NYX: variants seen among roughly 807,000 people sequenced by gnomAD.
NYX encodes leucine-rich repeat protein.
For synonymous variants in NYX, 258 were observed against 245.7 expected, an observed-to-expected ratio of 1.05 and a Z score of -0.47; for missense variants, 481 against 485.4, an observed-to-expected ratio of 0.99 and a Z score of 0.09.
At position 41,474,969 on chromosome X, in the gene NYX, A is replaced by G; in HGVS notation, c.*70A>G. 1 of 969,896 alleles carries G rather than the reference A, an allele frequency of 1.0e-6. No individual in the cohort carries two copies. Among genetic ancestry groups the G allele is most frequent in the African/African-American group, 1.9e-5 (1 of 53,091 alleles). The allele number at this position is 969,896 out of a possible 1,213,427, so 79.9% of individuals were successfully genotyped here. A position where few individuals can be genotyped will look rare whatever the true frequency, so the allele number is the denominator to read the frequency against. On this transcript the variant is annotated 3_prime_UTR_variant, in exon 3 of 3. Coordinates refer to ENST00000378220, the MANE Select transcript of NYX (RefSeq NM_001378477.3). The stretch of plus-strand genomic sequence containing the variant: ...TTTGTGGTAAGGGGAGAGGAGCCGG[A>G]ATGGAGGGCAGAGGTGAAAATCCCA...
At chrX:41,471,493 C>A (rs2807169) in intron 2 of NYX, among the ~76,000 whole-genome samples, 25,991 of 111,253 alleles carry the variant, frequency 0.23, 2,403 homozygotes, top group East Asian at 0.44. Context: ...TTCTTTTAAT[C>A]TATAACTAAG....
At chrX:41,464,047 A>G (rs186515805) in intron 2 of NYX, among the ~76,000 whole-genome samples, 5 of 111,263 alleles carry the variant, frequency 4.5e-5, no homozygotes, top group African/African-American at 1.6e-4. Context: ...AAATATCTCT[A>G]TTGCCCTTCA....
In NYX at chrX:41,474,592, G is replaced by T; in HGVS notation, c.1124G>T (p.Arg375Leu). Residue 375 changes from arginine (R) to leucine (L), a missense_variant, in exon 3 of 3, where the codon CGC becomes CTC. By Grantham distance (102) the Arg-to-Leu change is moderately radical (BLOSUM62 -2). Coordinates refer to ENST00000378220, the MANE Select transcript of NYX (RefSeq NM_001378477.3). ...GLDLSQVTFG[R>L]SSDGLCVDPE... The stretch of plus-strand genomic sequence containing the variant: ...GACCTCAGCCAGGTGACCTTCGGGC[G>T]CTCCTCCGATGGCCTCTGTGTGGAC... 8.3e-7 allele frequency: 1 copy of T among 1,197,770 alleles called. No homozygotes were observed. The highest frequency in any genetic ancestry group is 1.1e-6 in the Non-Finnish European group (1 of 889,195).
At chrX:41,448,041 A>G in intron 2 of NYX, 115 bp downstream of exon 2, 1 of 726,426 alleles carries the variant, frequency 1.4e-6, no homozygotes. Context: ...GACACTTCTG[A>G]TCAGGTTTCA....
chrX:41,452,272 A>G, intron 2 of NYX, among the ~76,000 whole-genome samples: 1 of 111,521 alleles, frequency 9.0e-6, no homozygotes, highest in East Asian at 2.8e-4. Context: ...CTAAGTCTTG[A>G]TTGGGGTGGT....
intron 2 of NYX, among the ~76,000 whole-genome samples, chrX:41,460,876 A>ATTCTTTTTTTTTTTTTTTTTTTTTT (rs1335308569): frequency 4.0e-5 from 1 of 24,778 alleles, no homozygotes; most frequent in Non-Finnish European, 6.9e-5. Context: ...CACAGTATGT[A>ATTCTTTTTTTTTTTTTTTTTTTTTT]TTTTTTTTTT....
At position 41,474,703 on chromosome X, in the gene NYX, T is replaced by G; in HGVS notation, c.1235T>G (p.Leu412Arg). 1 of 1,197,263 alleles carries G rather than the reference T, an allele frequency of 8.4e-7. No individual in the cohort carries two copies. The highest frequency in any genetic ancestry group is 1.1e-6 in the Non-Finnish European group (1 of 889,715). ...ACCGTGAGCAGGTTCAGCAGCCTCC[T>G]CTCCAAGCTGCTGGCCCCGAGGGTC... ...ATTVSRFSSLLSKLLAPRVPV... is the reference protein window; with the variant it reads ...ATTVSRFSSLRSKLLAPRVPV... Residue 412 changes from leucine to arginine, a missense_variant, in exon 3 of 3, where the codon CTC (leucine) becomes CGC (arginine). Physicochemically the swap from Leu to Arg is moderately radical, Grantham distance 102. Coordinates refer to ENST00000378220, the MANE Select transcript of NYX (RefSeq NM_001378477.3).
chrX:41,463,947 A>C (rs1024458272), intron 2 of NYX, among the ~76,000 whole-genome samples: 6 of 111,495 alleles, frequency 5.4e-5, no homozygotes, highest in Non-Finnish European at 7.5e-5. Context: ...ATTTTCATCT[A>C]CCAGCATTTT....
intron 2 of NYX, among the ~76,000 whole-genome samples, chrX:41,457,661 T>TA (rs917512695): frequency 8.9e-6 from 1 of 111,871 alleles, no homozygotes; most frequent in African/African-American, 3.2e-5. Flanking sequence ...CCTTACTGAC[T>TA]AGTTATTCAC....
chrX:41,455,432 A>G (rs1006451677), intron 2 of NYX, among the ~76,000 whole-genome samples: 3 of 109,661 alleles, frequency 2.7e-5, no homozygotes. Context: ...TTTTTAAAGC[A>G]GTATGACAGA....
chrX:41,450,304 T>C (rs1212512605), intron 2 of NYX, among the ~76,000 whole-genome samples: 5 of 112,144 alleles, frequency 4.5e-5, no homozygotes, highest in Admixed American at 9.5e-5. Flanking sequence ...TGAGACAGGG[T>C]CTCGCTCTGT....
chrX:41,459,140 C>G (rs2064309059), intron 2 of NYX, among the ~76,000 whole-genome samples: 1 of 111,572 alleles, frequency 9.0e-6, no homozygotes. Flanking sequence ...GAAACCCATA[C>G]AATTTAATTA....
At chrX:41,453,257 C>T (rs1426527480) in intron 2 of NYX, among the ~76,000 whole-genome samples, 1 of 111,219 alleles carries the variant, frequency 9.0e-6, no homozygotes, top group African/African-American at 3.3e-5. Context: ...CCTCATTATG[C>T]GGGTGCCTGA....
intron 2 of NYX, among the ~76,000 whole-genome samples, chrX:41,458,080 A>T (rs1302939644): frequency 1.8e-5 from 2 of 111,391 alleles, no homozygotes; most frequent in Admixed American, 1.9e-4. Flanking sequence ...ATGGGGCTGA[A>T]CCTGCTTTTA....
chrX:41,453,463 T>C (rs1315573563), intron 2 of NYX, among the ~76,000 whole-genome samples: 2 of 110,056 alleles, frequency 1.8e-5, no homozygotes, highest in African/African-American at 6.6e-5. Context: ...CTTCTTCTTT[T>C]TTTTTTTTTT....
At chrX:41,455,585 C>T (rs1403262093) in intron 2 of NYX, among the ~76,000 whole-genome samples, 2 of 109,857 alleles carry the variant, frequency 1.8e-5, no homozygotes, top group Non-Finnish European at 3.8e-5. Flanking sequence ...TGAGTAGGGA[C>T]CTGTCATGAG....
chrX:41,472,858 G>A (rs957098368), intron 2 of NYX, among the ~76,000 whole-genome samples: 1 of 111,697 alleles, frequency 9.0e-6, no homozygotes, highest in Non-Finnish European at 1.9e-5. Context: ...GAGTGCTGTG[G>A]CGTGATCTCA....
chrX:41,462,002 A>C (rs1178869880), intron 2 of NYX, among the ~76,000 whole-genome samples: 1 of 110,428 alleles, frequency 9.1e-6, no homozygotes, highest in African/African-American at 3.3e-5. Flanking sequence ...GGGTTTCACT[A>C]TATTGGCCAG....
chrX:41,460,705 A>G (rs1469270193), intron 2 of NYX, among the ~76,000 whole-genome samples: 2 of 108,387 alleles, frequency 1.8e-5, no homozygotes, highest in Admixed American at 1.0e-4. Context: ...CATCACCTCA[A>G]TCAAGATAAT....
Sources: gnomAD v4.1 joint callset for allele counts (sites outside exome capture counted in the v4.1 genomes callset) on GRCh38, gnomAD v4.1.1 for gene constraint, MANE v1.5 for transcripts, NCBI Gene and HGNC (gene_info 2026-07-23, HGNC 2026-07-21) for gene names.